SLC24A1: variants seen among roughly 807,000 people sequenced by gnomAD.
The protein encoded by SLC24A1 is solute carrier family 24 member 1.
A neutral mutation model predicts 88.1 loss-of-function variants in SLC24A1; 52 were observed. That is an observed-to-expected ratio of 0.59 (90% CI 0.47 to 0.74). The LOEUF is 0.74. Among genes scored for constraint, SLC24A1 ranks in the 30% least tolerant of loss-of-function variants. SLC24A1 has a pLI of 0.00. For missense variants in SLC24A1, 1,173 were observed against 1,363.3 expected (o/e 0.86, Z 2.20); for synonymous variants, 455 against 498.0 (o/e 0.91, Z 1.15).
chr15:65,625,318 C>T lies in SLC24A1; in HGVS notation c.1238C>T (p.Thr413Ile), dbSNP rs973622321. ...ACCACTCCCTCCCCAAGCCTCACAA[C>T]AGCCCTGCTCCCAGAGGAGCTCAGT... is the stretch of plus-strand genomic sequence containing the variant. ...MLTTPSPSLT[T>I]ALLPEELSPS... is the part of the protein sequence containing the mutation. Residue 413 changes from threonine to isoleucine, a missense_variant, in exon 2 of 10, where the codon ACA (threonine) becomes ATA (isoleucine). Transcript: ENST00000261892. 9.9e-6 allele frequency: 16 copies of T among 1,614,052 alleles called. No homozygotes were observed. Among genetic ancestry groups the T allele is most frequent in the Non-Finnish European group, 1.4e-5 (16 of 1,179,886 alleles).
intron 4 of SLC24A1, among the ~76,000 whole-genome samples, chr15:65,642,678 G>A (rs2075168304): frequency 6.6e-6 from 1 of 152,184 alleles, no homozygotes; most frequent in African/African-American, 2.4e-5. Flanking sequence ...CAGTTCTGAT[G>A]AGGACCCAGG....
intron 4 of SLC24A1, chr15:65,643,108 C>T (rs1354450861): frequency 1.1e-6 from 1 of 936,024 alleles, no homozygotes; most frequent in African/African-American, 1.7e-5. Context: ...GTGCCAGACA[C>T]TGTTTTGACC....
upstream of SLC24A1, chr15:65,618,998 G>A (rs1454991339): frequency 1.3e-5 from 2 of 152,230 alleles, no homozygotes; most frequent in South Asian, 2.1e-4. Flanking sequence ...TCTAGCCACT[G>A]GCTTGGAAAG....
intron 7 of SLC24A1, 134 bp downstream of exon 7, chr15:65,651,076 C>G (rs961518644): frequency 2.6e-6 from 2 of 755,926 alleles, no homozygotes; most frequent in African/African-American, 3.4e-5. Flanking sequence ...CCATTGAGAT[C>G]TGGGAAGGGA....
Position 65,644,470 on chromosome 15 carries a change from G to T in SLC24A1, c.2097G>T (p.Gly699=), listed in dbSNP as rs1160298301. 4 of 1,597,364 alleles carry T rather than the reference G, an allele frequency of 2.5e-6. No individual in the cohort carries two copies. Among genetic ancestry groups the T allele is most frequent in the Non-Finnish European group, 3.4e-6 (4 of 1,172,240 alleles). ...AGGAGGAGGAGAGCTTGAATCAAGG[G>T]GCCAGAGCCCAACCCCAGGCCAAAG... is the stretch of plus-strand genomic sequence containing the variant. ...KEKEEESLNQ[G]ARAQPQAKAE... The change falls in exon 5 of 10, where the codon GGG becomes GGT. Residue 699 remains glycine, a synonymous_variant. Transcript: ENST00000261892.
intron 2 of SLC24A1, among the ~76,000 whole-genome samples, chr15:65,628,686 A>G (rs1173681788): frequency 6.6e-6 from 1 of 152,230 alleles, no homozygotes; most frequent in South Asian, 2.1e-4. Context: ...ATGAATCACG[A>G]TATCTGGGTT....
chr15:65,645,515 G>A, intron 5 of SLC24A1, 97 bp from the exon 6 acceptor site: 1 of 879,664 alleles, frequency 1.1e-6, no homozygotes, highest in Non-Finnish European at 1.9e-6. Context: ...AAACCCTGAA[G>A]TCCAATAGCC....
chr15:65,650,467 G>C lies in SLC24A1; in HGVS notation c.2318G>C (p.Ser773Thr). Residue 773 changes from serine (S) to threonine (T), a missense_variant, in exon 7 of 10, where the codon AGT (serine) becomes ACT (threonine). Physicochemically the swap from Ser to Thr is moderately conservative, Grantham distance 58 (BLOSUM62 1). Transcript: ENST00000261892. This position sits in a 1 kb window ranked among gnomAD's most constrained non-coding sequence, Gnocchi z 4.1. ...GGTGAAGGTGAAACTGAAGAGAAAA[G>C]TGGAGGTGAAACTCAACCAGAAGGT... ...TAGEGETEEK[S>T]GGETQPEGEG... The C allele has an allele frequency of 6.4e-7, 1 of 1,551,734 alleles. No homozygotes were observed. The highest frequency in any genetic ancestry group is 8.7e-7 in the Non-Finnish European group (1 of 1,146,994).
intron 3 of SLC24A1, 50 bp downstream of exon 3, chr15:65,638,231 G>A (rs1395549805): frequency 1.6e-6 from 2 of 1,276,028 alleles, no homozygotes; most frequent in Admixed American, 1.9e-5. Flanking sequence ...GGGTCTCAGT[G>A]GATGATCACA....
rs1177023295 is a variant in SLC24A1 at position 65,656,012 on chromosome 15, T to C, written c.*1933T>C. On this transcript the variant is annotated 3_prime_UTR_variant, in exon 10 of 10. Coordinates refer to ENST00000261892, the MANE Select transcript of SLC24A1 (RefSeq NM_004727.3). Reference sequence around the variant, plus strand: ...ATGCTACTGCATTGCTGGGTTTCCATAGCCAAGGCCTAAGAACAGGAGGAG... The same window carrying C: ...ATGCTACTGCATTGCTGGGTTTCCACAGCCAAGGCCTAAGAACAGGAGGAG... 2 of 985,252 alleles carry C rather than the reference T, an allele frequency of 2.0e-6. No homozygotes were observed. The highest frequency in any genetic ancestry group is 3.5e-5 in the African/African-American group (2 of 57,212). 61.0% of individuals were successfully genotyped at this position (985,252 alleles called of 1,614,324 possible).
intron 2 of SLC24A1, among the ~76,000 whole-genome samples, chr15:65,614,467 A>G (rs112795527): frequency 5.4e-3 from 821 of 152,312 alleles, no homozygotes; most frequent in Non-Finnish European, 9.2e-3. Context: ...GGATCCAAGT[A>G]AGATCCAGAT....
At chr15:65,614,929 T>C (rs2074087541) in intron 2 of SLC24A1, among the ~76,000 whole-genome samples, 1 of 152,212 alleles carries the variant, frequency 6.6e-6, no homozygotes, top group Non-Finnish European at 1.5e-5. Flanking sequence ...ACTCTTTCCT[T>C]TGAAAAGTGC....
chr15:65,638,722 TC>T, intron 3 of SLC24A1, among the ~76,000 whole-genome samples: 1 of 151,694 alleles, frequency 6.6e-6, no homozygotes, highest in African/African-American at 2.4e-5. Flanking sequence ...CTAAAGAACC[TC>T]CCCCATCCAA....
rs181180475 is a variant in SLC24A1, at chr15:65,625,034, C to T, written c.954C>T (p.Thr318=). ...QGTVLLHTPA[T]SEGQVTISTM... ...CAGTCCTGTTGCATACCCCAGCCACCTCTGAGGGGCAGGTGACAATAAGCA... is the reference window on the plus strand; with the variant it reads ...CAGTCCTGTTGCATACCCCAGCCACTTCTGAGGGGCAGGTGACAATAAGCA... Residue 318 remains threonine, a synonymous_variant, in exon 2 of 10, where the codon ACC becomes ACT. Transcript: ENST00000261892. The T allele has an allele frequency of 1.4e-4, 227 of 1,613,628 alleles. 2 individuals are homozygous for T. The Admixed American group carries it at 3.3e-3, about 23-fold the overall frequency.
At position 65,624,526 on chromosome 15, in the gene SLC24A1, G is replaced by C. The variant is rs2141459582; in HGVS notation, c.446G>C (p.Arg149Thr). ...AAGGAAGACACCCCAACATCCAGTA[G>C]AACACTGACTTACTACACCTCAACT... ...RRKEDTPTSS[R>T]TLTYYTSTSS... is the part of the protein sequence containing the mutation. The change falls in exon 2 of 10, where the codon AGA becomes ACA. Residue 149 changes from arginine (R) to threonine (T), a missense_variant. Coordinates refer to ENST00000261892, the MANE Select transcript of SLC24A1 (RefSeq NM_004727.3). 3 of 1,603,196 alleles carry C rather than the reference G, an allele frequency of 1.9e-6. No individual in the cohort carries two copies. The East Asian group carries it at 6.7e-5, about 36-fold the overall frequency.
At chr15:65,648,681 A>T (rs114671287) in intron 6 of SLC24A1, among the ~76,000 whole-genome samples, 9,546 of 151,144 alleles carry the variant, frequency 0.063, 318 homozygotes, top group African/African-American at 0.092. Flanking sequence ...TATTTTTTTT[A>T]AGTAGATATG....
upstream of SLC24A1, among the ~76,000 whole-genome samples, chr15:65,617,282 G>T (rs1463539477): frequency 8.5e-5 from 13 of 152,192 alleles, no homozygotes; most frequent in Non-Finnish European, 1.5e-4. Context: ...TTGGTAGCTT[G>T]ACGGGGATGG....
At chr15:65,622,367 G>T (rs912574215) in intron 1 of SLC24A1, among the ~76,000 whole-genome samples, 1 of 152,102 alleles carries the variant, frequency 6.6e-6, no homozygotes, top group African/African-American at 2.4e-5. Flanking sequence ...AAGTACCTTT[G>T]CATCTCTGAT....
chr15:65,639,503 T>A, intron 3 of SLC24A1, 92 bp from the exon 4 acceptor site: 1 of 758,880 alleles, frequency 1.3e-6, no homozygotes, highest in Non-Finnish European at 2.3e-6. Flanking sequence ...CTCCCTGATC[T>A]TTATGGGAAA....
Sources: gnomAD v4.1 joint callset for allele counts (sites outside exome capture counted in the v4.1 genomes callset) on GRCh38, gnomAD v4.1.1 for gene constraint, Gnocchi (gnomAD v3.1) non-coding constraint, MANE v1.5 for transcripts, NCBI Gene and HGNC (gene_info 2026-07-23, HGNC 2026-07-21) for gene names.